The following BMPR1A variants were observed in gnomAD, a reference collection of about 807,000 sequenced individuals.
BMPR1A encodes bone morphogenetic protein receptor type-1A.
In BMPR1A, 7 loss-of-function variants were observed where a neutral mutation model predicts 66.0. The ratio of observed to expected loss-of-function variants is 0.11; its 90% confidence interval spans 0.06 to 0.20. BMPR1A has a LOEUF of 0.20. Among genes scored for constraint, BMPR1A ranks in the 10% least tolerant of loss-of-function variants. BMPR1A has a pLI of 1.00. For synonymous variants in BMPR1A, 200 were observed against 229.7 expected, an observed-to-expected ratio of 0.87 and a Z score of 1.17; for missense variants, 408 against 669.1, an observed-to-expected ratio of 0.61 and a Z score of 4.31.
chr10:86,926,007 A>G lies in BMPR1A; in HGVS notation c.*2288A>G, dbSNP rs1369886467. The G allele has an allele frequency of 5.8e-6, 1 of 171,788 alleles. No homozygotes were observed. Among genetic ancestry groups the G allele is most frequent in the Non-Finnish European group, 1.3e-5 (1 of 79,302 alleles). The allele number at this position is 171,788 out of a possible 1,614,324, so 10.6% of individuals were successfully genotyped here. ...CTCCCAAAGTTCATTTGTCATCTTA[A>G]TAAAAATATAAAGACAGGCAAAGTT... is the stretch of plus-strand genomic sequence containing the variant. On this transcript the variant is annotated 3_prime_UTR_variant, in exon 13 of 13. Coordinates refer to ENST00000372037, the MANE Select transcript of BMPR1A (RefSeq NM_004329.3).
At chr10:86,879,318 C>T (rs1423673302) in intron 3 of BMPR1A, among the ~76,000 whole-genome samples, 1 of 152,218 alleles carries the variant, frequency 6.6e-6, no homozygotes, top group Non-Finnish European at 1.5e-5. Flanking sequence ...CTCACTTCCT[C>T]TCCCCAACAG....
intron 9 of BMPR1A, among the ~76,000 whole-genome samples, chr10:86,918,017 AG>A (rs1273263384): frequency 2.1e-4 from 32 of 152,296 alleles, no homozygotes; most frequent in Middle Eastern, 6.8e-3. Context: ...AATACTCTAG[AG>A]GAGGAGCCTT....
chr10:86,833,589 A>C (rs1190655284), intron 1 of BMPR1A, among the ~76,000 whole-genome samples: 6 of 152,204 alleles, frequency 3.9e-5, no homozygotes, highest in Non-Finnish European at 2.9e-5. Context: ...CCATTAGCCA[A>C]AAAGTGACTG....
At chr10:86,860,763 C>G (rs1322819058) in intron 2 of BMPR1A, among the ~76,000 whole-genome samples, 2 of 144,646 alleles carry the variant, frequency 1.4e-5, no homozygotes, top group South Asian at 4.5e-4. Context: ...GAATGAGACT[C>G]CATATCAAAA....
At chr10:86,920,950 G>T (rs776880350) in intron 10 of BMPR1A, among the ~76,000 whole-genome samples, 1 of 148,862 alleles carries the variant, frequency 6.7e-6, no homozygotes, top group Non-Finnish European at 1.5e-5. Context: ...CCGCCTCCCA[G>T]GTTCAAGTAA....
intron 2 of BMPR1A, among the ~76,000 whole-genome samples, chr10:86,852,766 C>A (rs143701520): frequency 6.6e-6 from 1 of 152,034 alleles, no homozygotes; most frequent in Admixed American, 6.6e-5. Context: ...TTCCAAGCAC[C>A]GTTCCATGTT....
intron 2 of BMPR1A, among the ~76,000 whole-genome samples, chr10:86,858,108 A>G (rs942229448): frequency 1.3e-5 from 2 of 152,216 alleles, no homozygotes; most frequent in African/African-American, 4.8e-5. Context: ...AATATGAATT[A>G]GTATTAATTT....
At chr10:86,759,866 A>G (rs1022483596) in intron 1 of BMPR1A, among the ~76,000 whole-genome samples, 2 of 151,778 alleles carry the variant, frequency 1.3e-5, no homozygotes, top group South Asian at 2.1e-4. Context: ...GTTTGTGTCG[A>G]TTTTCTGATT....
chr10:86,762,900 T>G (rs193085912), intron 1 of BMPR1A, among the ~76,000 whole-genome samples: 82 of 152,118 alleles, frequency 5.4e-4, no homozygotes, highest in African/African-American at 1.9e-3. Context: ...TTCAGTAGTA[T>G]TTATTTATTT....
rs759424209 is a variant in BMPR1A, at chr10:86,884,394, ATTTTTTTTTTTTTTTTTTTTTTTT to A, written c.68-5654_68-5631del. Among the ~76,000 whole-genome samples the A allele has an allele frequency of 2.4e-3, 120 of 49,348 alleles. 1 individual carries two copies. The highest frequency in any genetic ancestry group is 0.015 in the Middle Eastern group (1 of 66). The allele number at this position is 49,348 out of a possible 152,430, so 32.4% of individuals were successfully genotyped here. A position where few individuals can be genotyped will look rare whatever the true frequency, so the allele number is the denominator to read the frequency against. On this transcript the variant is annotated intron_variant, in intron 3 of 12. Transcript: ENST00000372037. ...AGCCACCATGCCTGGCAAACACATG[ATTTTTTTTTTTTTTTTTTTTTTTT>A]TTTTTTTTTTTTTGAGATGGAGTCT...
chr10:86,873,205 C>CT (rs1284205946), intron 2 of BMPR1A, among the ~76,000 whole-genome samples: 1 of 152,114 alleles, frequency 6.6e-6, no homozygotes, highest in African/African-American at 2.4e-5. Context: ...GGTCAGTCTC[C>CT]TGCCCAAGAC....
At chr10:86,814,743 T>A (rs945047687) in intron 1 of BMPR1A, among the ~76,000 whole-genome samples, 10 of 152,074 alleles carry the variant, frequency 6.6e-5, no homozygotes, top group African/African-American at 2.4e-4. Context: ...GTAAGGAGGA[T>A]GTTGTTTTGT....
At chr10:86,857,244 A>C (rs944261703) in intron 2 of BMPR1A, among the ~76,000 whole-genome samples, 1 of 152,084 alleles carries the variant, frequency 6.6e-6, no homozygotes, top group Non-Finnish European at 1.5e-5. Flanking sequence ...TCATCTTGTT[A>C]GCATAATCTC....
At chr10:86,930,901 A>G (rs1413026618), downstream of BMPR1A, 7 of 152,098 alleles carry the variant, frequency 4.6e-5, no homozygotes, top group Admixed American at 4.6e-4. Flanking sequence ...CCTGGCTCAC[A>G]TTCTAAACAT....
At chr10:86,760,776 C>A (rs1841040776) in intron 1 of BMPR1A, among the ~76,000 whole-genome samples, 1 of 152,122 alleles carries the variant, frequency 6.6e-6, no homozygotes, top group Non-Finnish European at 1.5e-5. Flanking sequence ...TTTTCCTTTT[C>A]TACTTTCCCA....
At chr10:86,864,840 A>C (rs1564707039) in intron 2 of BMPR1A, among the ~76,000 whole-genome samples, 1 of 152,050 alleles carries the variant, frequency 6.6e-6, no homozygotes, top group African/African-American at 2.4e-5. Context: ...TGTTTCTTCT[A>C]ACAATCCCAC....
intron 1 of BMPR1A, among the ~76,000 whole-genome samples, chr10:86,767,121 C>A (rs1841177930): frequency 6.6e-6 from 1 of 152,118 alleles, no homozygotes; most frequent in Non-Finnish European, 1.5e-5. Context: ...CACGCCCGGC[C>A]ATATCAGTCT....
chr10:86,795,441 A>T (rs1841694695), intron 1 of BMPR1A, among the ~76,000 whole-genome samples: 1 of 152,002 alleles, frequency 6.6e-6, no homozygotes, highest in Non-Finnish European at 1.5e-5. Flanking sequence ...TAACGCTGTA[A>T]CAGTGAATAG....
rs575499382 is a variant in BMPR1A, at chr10:86,831,246, A to G, written c.-267-7619A>G. ...GATGCACAGATGTACGCATGCGAGT[A>G]CTTGTGTGTACGGTTTTGTTTTCTT... is the stretch of plus-strand genomic sequence containing the variant. On this transcript the variant is annotated intron_variant, in intron 1 of 12. Coordinates refer to ENST00000372037, the MANE Select transcript of BMPR1A (RefSeq NM_004329.3). Among the ~76,000 whole-genome samples the G allele has an allele frequency of 4.6e-5, 7 of 152,336 alleles. No homozygotes were observed. The South Asian group carries it at 1.0e-3, about 23-fold the overall frequency.
Sources: allele counts gnomAD v4.1 joint callset (sites outside exome capture counted in the v4.1 genomes callset), GRCh38; gene constraint gnomAD v4.1.1; transcripts MANE v1.5; gene names NCBI Gene and HGNC (gene_info 2026-07-23, HGNC 2026-07-21).